Variants in DLG2 observed in about 807,000 individuals in gnomAD.
DLG2 encodes the protein discs large MAGUK scaffold protein 2.
In DLG2, 45 loss-of-function variants were observed where a neutral mutation model predicts 132.5. That is an observed-to-expected ratio of 0.34 (90% confidence interval 0.27 to 0.44). The LOEUF (loss-of-function observed/expected upper bound fraction) is 0.44, where lower values mean the gene tolerates loss of function less well. Ranked by LOEUF, DLG2 falls within the 20% of genes least tolerant of loss-of-function variation. The probability of loss-of-function intolerance (pLI) is 1.00; values close to 1 mark genes in which losing one functional copy is unlikely to be tolerated. For missense variants in DLG2, 1,045 were observed against 1,196.9 expected (o/e 0.87, Z 1.87); for synonymous variants, 424 against 419.6 (o/e 1.01, Z -0.13).
intron 6 of DLG2, among the ~76,000 whole-genome samples, chr11:84,889,571 T>C (rs527523049): frequency 6.6e-6 from 1 of 152,236 alleles, no homozygotes; most frequent in South Asian, 2.1e-4. Flanking sequence ...GCAGGGTAAA[T>C]AGGGGATGGT....
At chr11:84,821,488 T>G (rs969855982) in intron 6 of DLG2, among the ~76,000 whole-genome samples, 2 of 151,718 alleles carry the variant, frequency 1.3e-5, no homozygotes, top group Non-Finnish European at 2.9e-5. Flanking sequence ...ACATTCATGT[T>G]TCACAAAATA....
At chr11:83,706,302 C>G (rs1242757019) in intron 18 of DLG2, among the ~76,000 whole-genome samples, 1 of 151,710 alleles carries the variant, frequency 6.6e-6, no homozygotes, top group East Asian at 1.9e-4. Context: ...TATTCTATAT[C>G]AGGTGTTGTG....
In DLG2 at chr11:84,354,076, G is replaced by A. The variant is rs72959578; in HGVS notation, c.520-102785C>T. ...TTCATTAGCACCTAACACAATGTAA[G>A]TTCTCAAAAAATCTGAATTAATGAA... On this transcript the variant is annotated intron_variant, in intron 7 of 27. Transcript: ENST00000376104. 8.4e-3 allele frequency among the ~76,000 whole-genome samples: 1,274 copies of A among 152,206 alleles called. 12 individuals are homozygous for A. Among genetic ancestry groups the A allele is most frequent in the Non-Finnish European group, 0.015 (1,013 of 67,996 alleles).
intron 19 of DLG2, among the ~76,000 whole-genome samples, chr11:83,613,154 T>C (rs570932402): frequency 6.6e-6 from 1 of 151,876 alleles, no homozygotes; most frequent in Admixed American, 6.5e-5. Flanking sequence ...AAAGCTAGGG[T>C]TAGGGTCAAA....
intron 18 of DLG2, among the ~76,000 whole-genome samples, chr11:83,657,205 G>A (rs925686459): frequency 1.5e-4 from 23 of 152,174 alleles, no homozygotes; most frequent in African/African-American, 5.1e-4. Context: ...CTGGCATCAT[G>A]AGTCAATTGG....
intron 6 of DLG2, among the ~76,000 whole-genome samples, chr11:84,721,996 A>G (rs2061894111): frequency 6.6e-6 from 1 of 152,126 alleles, no homozygotes; most frequent in Admixed American, 6.5e-5. Context: ...TTTCTAGGGG[A>G]AGAAACTGAG....
chr11:84,425,851 T>G (rs1290393406), intron 7 of DLG2, among the ~76,000 whole-genome samples: 1 of 152,124 alleles, frequency 6.6e-6, no homozygotes, highest in Non-Finnish European at 1.5e-5. Flanking sequence ...AAGAAATAGA[T>G]CCAAAGTGAC....
intron 6 of DLG2, among the ~76,000 whole-genome samples, chr11:84,864,840 A>G (rs1239411827): frequency 6.6e-6 from 1 of 152,172 alleles, no homozygotes; most frequent in Admixed American, 6.5e-5. Context: ...AATAGTGAGA[A>G]AATTTTCTCT....
rs190459520 is a variant in DLG2 at position 84,344,816 on chromosome 11, G to T, written c.520-93525C>A. On this transcript the variant is annotated intron_variant, in intron 7 of 27. Transcript: ENST00000376104. ...TTACTTGATAGCTGAACCCTCATCA[G>T]AAAGGCAATTTCACATTTTTACTGC... Among the ~76,000 whole-genome samples the T allele has an allele frequency of 4.1e-4, 63 of 152,240 alleles. No individual in the cohort carries two copies. The East Asian group carries it at 6.0e-3, about 14-fold the overall frequency.
intron 6 of DLG2, among the ~76,000 whole-genome samples, chr11:85,069,571 A>G (rs1420907981): frequency 6.6e-6 from 1 of 152,326 alleles, no homozygotes; most frequent in East Asian, 1.9e-4. Flanking sequence ...ATCACTGGCC[A>G]TCAGAGAAAT....
At chr11:85,320,773 G>A (rs1478482765) in intron 3 of DLG2, among the ~76,000 whole-genome samples, 1 of 151,802 alleles carries the variant, frequency 6.6e-6, no homozygotes, top group African/African-American at 2.4e-5. Context: ...AATATCTTAA[G>A]TCAGGAATGT....
chr11:85,178,338 G>C (rs2079456709), intron 4 of DLG2, among the ~76,000 whole-genome samples: 1 of 151,944 alleles, frequency 6.6e-6, no homozygotes, highest in Non-Finnish European at 1.5e-5. Context: ...CACAAATATA[G>C]TAAATGTTAA....
At chr11:83,497,913 T>TA (rs966451122) in intron 21 of DLG2, among the ~76,000 whole-genome samples, 1,618 of 147,874 alleles carry the variant, frequency 0.011, 21 homozygotes, top group African/African-American at 0.036. Flanking sequence ...CTTAATTTAT[T>TA]AAAAAAAAAA....
chr11:83,608,733 CAGAGAGAG>C (rs35163308), intron 19 of DLG2, among the ~76,000 whole-genome samples: 4 of 149,468 alleles, frequency 2.7e-5, no homozygotes, highest in Non-Finnish European at 5.9e-5. Context: ...CGCACACACA[CAGAGAGAG>C]AGAGAGAGAA....
intron 6 of DLG2, among the ~76,000 whole-genome samples, chr11:84,714,301 C>T (rs1334987950): frequency 1.3e-5 from 2 of 152,088 alleles, no homozygotes. Context: ...TCCTCTGCTA[C>T]CACTAATGTT....
intron 7 of DLG2, among the ~76,000 whole-genome samples, chr11:84,518,353 G>A (rs958055576): frequency 1.3e-5 from 2 of 151,792 alleles, no homozygotes; most frequent in African/African-American, 4.8e-5. Flanking sequence ...GAGGGAAGAA[G>A]AAAATACATA....
At chr11:83,679,223 A>T (rs978868707) in intron 18 of DLG2, among the ~76,000 whole-genome samples, 1 of 152,180 alleles carries the variant, frequency 6.6e-6, no homozygotes, top group Non-Finnish European at 1.5e-5. Flanking sequence ...GCAAAATAGG[A>T]TCTACCTGGT....
intron 7 of DLG2, among the ~76,000 whole-genome samples, chr11:84,302,942 T>C (rs1455778853): frequency 6.6e-6 from 1 of 151,160 alleles, no homozygotes; most frequent in Non-Finnish European, 1.5e-5. Flanking sequence ...CAAAAAAAAA[T>C]ACACACACAG....
At chr11:85,393,050 T>C (rs753484946) in intron 3 of DLG2, among the ~76,000 whole-genome samples, 10 of 152,194 alleles carry the variant, frequency 6.6e-5, no homozygotes, top group Non-Finnish European at 1.3e-4. Context: ...ACCCATAGAA[T>C]AGGAGAAAAT....
Sources: allele counts gnomAD v4.1 joint callset (sites outside exome capture counted in the v4.1 genomes callset), GRCh38; gene constraint gnomAD v4.1.1; transcripts MANE v1.5; gene names NCBI Gene and HGNC (gene_info 2026-07-23, HGNC 2026-07-21).